Variants in KIF3A observed in about 807,000 individuals in gnomAD.
The protein encoded by KIF3A is kinesin-like protein KIF3A.
A neutral mutation model predicts 92.6 loss-of-function variants in KIF3A; 27 were observed. That is an observed-to-expected ratio of 0.29 (90% CI 0.21 to 0.40). The LOEUF is 0.40. KIF3A is among the 10% of genes least tolerant of loss of function. The probability of loss-of-function intolerance (pLI) is 1.00; values close to 1 mark genes in which losing one functional copy is unlikely to be tolerated. For missense variants in KIF3A, 581 were observed against 872.6 expected (o/e 0.67, Z 4.21); for synonymous variants, 250 against 275.4 (o/e 0.91, Z 0.92).
At chr5:132,691,262 T>C (rs1752656837), downstream of KIF3A, among the ~76,000 whole-genome samples, 1 of 152,182 alleles carries the variant, frequency 6.6e-6, no homozygotes, top group South Asian at 2.1e-4. Flanking sequence ...AGAAGTATTT[T>C]TGGGGCTAGG....
intron 1 of KIF3A, among the ~76,000 whole-genome samples, chr5:132,735,339 T>A (rs1202894254): frequency 6.6e-6 from 1 of 152,192 alleles, no homozygotes; most frequent in African/African-American, 2.4e-5. Context: ...CCTCCCAAAG[T>A]GCTGAGATTA....
chr5:132,737,079 G>A (rs1754418766), intron 1 of KIF3A, among the ~76,000 whole-genome samples: 1 of 152,236 alleles, frequency 6.6e-6, no homozygotes, highest in African/African-American at 2.4e-5. Context: ...GAGCCCCACC[G>A]TGGCCACCCC....
chr5:132,734,511 G>A, intron 1 of KIF3A, 33 bp from the exon 2 acceptor site: 3 of 1,558,698 alleles, frequency 1.9e-6, no homozygotes, highest in Non-Finnish European at 1.7e-6. Context: ...ATAATGAAAA[G>A]AACATTAATT....
chr5:132,721,064 G>T (rs1753807032), intron 4 of KIF3A, among the ~76,000 whole-genome samples: 1 of 152,088 alleles, frequency 6.6e-6, no homozygotes, highest in African/African-American at 2.4e-5. Context: ...AGAAGAAAAT[G>T]TGCAAGAATC....
chr5:132,699,181 T>A lies in KIF3A; in HGVS notation c.2122A>T (p.Thr708Ser). The change falls in exon 18 of 19, where the codon ACA becomes TCA. Residue 708 changes from threonine (T) to serine (S), a missense_variant. Coordinates refer to ENST00000403231, the MANE Select transcript of KIF3A (RefSeq NM_001300791.2). ...AAGGACAGTCCTTACCTTCTCCCTG[T>A]CTTTGGCCTTGCTTTCCCCTTTGAA... is the stretch of plus-strand genomic sequence containing the variant. ...RTSKGKARPKTGRRKRSAKPE... is the reference protein window; with the variant it reads ...RTSKGKARPKSGRRKRSAKPE... The A allele has an allele frequency of 6.2e-7, 1 of 1,614,122 alleles. No homozygotes were observed. The highest frequency in any genetic ancestry group is 8.5e-7 in the Non-Finnish European group (1 of 1,179,958).
Position 132,699,238 on chromosome 5 carries a change from G to C in KIF3A, c.2065C>G (p.Gln689Glu), listed in dbSNP as rs1312061747. ...YLAYTEESLR[Q>E]SLMKLERPRT... is the part of the protein sequence containing the mutation. ...GGTCTTTCTAGTTTCATCAAAGACTGACGCAGACTCTCCTCAGTATAGGCA... is the reference window on the plus strand; with the variant it reads ...GGTCTTTCTAGTTTCATCAAAGACTCACGCAGACTCTCCTCAGTATAGGCA... Residue 689 changes from glutamine to glutamate, a missense_variant, in exon 18 of 19, where the codon CAG becomes GAG. Gln to Glu is a conservative substitution (Grantham distance 29). Around this residue, in one of 5 missense-constraint regions of KIF3A, gnomAD observed 112 missense variants for 144.3 expected, o/e 0.78. Coordinates refer to ENST00000403231, the MANE Select transcript of KIF3A (RefSeq NM_001300791.2). 2 of 1,613,720 alleles carry C rather than the reference G, an allele frequency of 1.2e-6. No individual in the cohort carries two copies. The highest frequency in any genetic ancestry group is 2.2e-5 in the South Asian group (2 of 91,060).
intron 1 of KIF3A, among the ~76,000 whole-genome samples, chr5:132,736,180 G>A (rs982351302): frequency 2.0e-5 from 3 of 152,210 alleles, no homozygotes; most frequent in Non-Finnish European, 2.9e-5. Flanking sequence ...CTACACCAGA[G>A]GTTGCAAACA....
chr5:132,726,117 A>G lies in KIF3A; in HGVS notation c.510+11T>C, dbSNP rs1487626225. ...TGGAAAAAGTACTCCACCAATTTCA[A>G]TTATCCTTACCTCTAACCTTTGTGT... is the stretch of plus-strand genomic sequence containing the variant. On this transcript the variant is annotated intron_variant, in intron 4 of 18. Coordinates refer to ENST00000403231, the MANE Select transcript of KIF3A (RefSeq NM_001300791.2). The G allele has an allele frequency of 1.3e-6, 2 of 1,572,442 alleles. No homozygotes were observed. The highest frequency in any genetic ancestry group is 1.7e-6 in the Non-Finnish European group (2 of 1,158,558).
downstream of KIF3A, chr5:132,689,464 C>G (rs559686437): frequency 2.0e-5 from 3 of 152,138 alleles, no homozygotes; most frequent in Non-Finnish European, 2.9e-5. Context: ...AGACTATAAG[C>G]AGGTCATCAG....
rs1341138205 is a variant in KIF3A at position 132,703,071 on chromosome 5, G to A, written c.1467-6C>T. ...GCAAAGACTGATGCTCTTGTCTGTT[G>A]ATTAGAATGAGAATACTCTATATTC... On this transcript the variant is annotated splice_polypyrimidine_tract_variant and splice_region_variant and intron_variant, in intron 12 of 18. Coordinates refer to ENST00000403231, the MANE Select transcript of KIF3A (RefSeq NM_001300791.2). The A allele has an allele frequency of 6.3e-7, 1 of 1,597,314 alleles. No individual in the cohort carries two copies.
chr5:132,732,285 C>G (rs79862532), intron 2 of KIF3A, among the ~76,000 whole-genome samples: 1 of 152,094 alleles, frequency 6.6e-6, no homozygotes, highest in Non-Finnish European at 1.5e-5. Flanking sequence ...AACAAAGTTA[C>G]CATGTGACCT....
intron 2 of KIF3A, among the ~76,000 whole-genome samples, chr5:132,733,173 T>C (rs572211640): frequency 1.3e-4 from 20 of 152,170 alleles, no homozygotes; most frequent in Non-Finnish European, 2.2e-4. Context: ...TTTGGAGTGA[T>C]AGAAATGTTC....
At chr5:132,719,595 G>A (rs956678324) in intron 5 of KIF3A, among the ~76,000 whole-genome samples, 1 of 151,454 alleles carries the variant, frequency 6.6e-6, no homozygotes, top group South Asian at 2.1e-4. Flanking sequence ...TGGTTAAAAC[G>A]ATTCTCCTGC....
chr5:132,737,063 T>G, intron 1 of KIF3A: 1 of 395,810 alleles, frequency 2.5e-6, no homozygotes, highest in Non-Finnish European at 4.5e-6. Flanking sequence ...GTGTGCAGCA[T>G]CCAAAGAGCC....
chr5:132,727,378 A>G (rs1754068517), intron 2 of KIF3A, among the ~76,000 whole-genome samples: 1 of 152,210 alleles, frequency 6.6e-6, no homozygotes, highest in African/African-American at 2.4e-5. Flanking sequence ...GGAGTCAGGG[A>G]CATCAACTAG....
intron 10 of KIF3A, among the ~76,000 whole-genome samples, chr5:132,707,942 T>C (rs1753274246): frequency 6.6e-6 from 1 of 152,116 alleles, no homozygotes; most frequent in Admixed American, 6.5e-5. Flanking sequence ...AGATGGATCC[T>C]GCATAAAATC....
Position 132,734,368 on chromosome 5 carries a change from C to G in KIF3A, c.117G>C (p.Val39=), listed in dbSNP as rs755996687. The part of the protein sequence containing the change: ...KSMCYKQAVS[V]DEMRGTITVH... ...CAGTGATAGTTCCCCTCATCTCATC[C>G]ACACTGACAGCCTGTTTGTAGCACA... Residue 39 remains valine, a synonymous_variant, in exon 2 of 19, where the codon GTG becomes GTC. Coordinates refer to ENST00000403231, the MANE Select transcript of KIF3A (RefSeq NM_001300791.2). 1.2e-6 allele frequency: 2 copies of G among 1,614,090 alleles called. No individual in the cohort carries two copies. Among genetic ancestry groups the G allele is most frequent in the Admixed American group, 3.3e-5 (2 of 60,010 alleles).
At chr5:132,718,708 C>A (rs28378974) in intron 5 of KIF3A, among the ~76,000 whole-genome samples, 17 of 152,110 alleles carry the variant, frequency 1.1e-4, no homozygotes, top group African/African-American at 4.1e-4. Context: ...CTCACTGCAA[C>A]CTCTGCCTCC....
Position 132,695,143 on chromosome 5 carries a change from T to A in KIF3A, c.*1491A>T, listed in dbSNP as rs188614957. On this transcript the variant is annotated 3_prime_UTR_variant, in exon 19 of 19. Transcript: ENST00000403231. Reference sequence around the variant, plus strand: ...TGAAAACCACAAAACATATATTAAGTGGTTTAGGAGTAGCATAACTTTATT... The same window carrying A: ...TGAAAACCACAAAACATATATTAAGAGGTTTAGGAGTAGCATAACTTTATT... 245 of 152,376 alleles carry A rather than the reference T, an allele frequency of 1.6e-3. 1 individual carries two copies. Among genetic ancestry groups the A allele is most frequent in the African/African-American group, 5.7e-3 (237 of 41,560 alleles). 9.4% of individuals were successfully genotyped at this position (152,376 alleles called of 1,614,324 possible). A position where few individuals can be genotyped will look rare whatever the true frequency, so the allele number is the denominator to read the frequency against.
Sources: allele counts gnomAD v4.1 joint callset (sites outside exome capture counted in the v4.1 genomes callset), GRCh38; gene constraint gnomAD v4.1.1; regional missense constraint gnomAD v4.1.1; transcripts MANE v1.5; gene names NCBI Gene and HGNC (gene_info 2026-07-23, HGNC 2026-07-21).